The following FGFR2 variants were observed in gnomAD, a reference collection of about 807,000 sequenced individuals.
The protein encoded by FGFR2 is fibroblast growth factor receptor 2.
Under a neutral mutation model 95.9 loss-of-function variants are expected in FGFR2, and 19 were observed. The ratio of observed to expected loss-of-function variants is 0.20; its 90% CI spans 0.14 to 0.29. The LOEUF is 0.29. FGFR2 is among the 10% of genes least tolerant of loss of function. The pLI is 1.00. For missense variants in FGFR2, 707 were observed against 1,056.9 expected (o/e 0.67, Z 4.59); for synonymous variants, 392 against 393.3 (o/e 1.00, Z 0.04).
intron 6 of FGFR2, among the ~76,000 whole-genome samples, chr10:121,524,963 C>T (rs759375908): frequency 2.0e-5 from 3 of 152,186 alleles, no homozygotes; most frequent in South Asian, 4.1e-4. Context: ...TTCATCTCTT[C>T]TTCTATGTGA....
chr10:121,484,761 G>A (rs1845190104), intron 16 of FGFR2, among the ~76,000 whole-genome samples: 1 of 152,182 alleles, frequency 6.6e-6, no homozygotes, highest in Non-Finnish European at 1.5e-5. Context: ...AGGCAGATCT[G>A]GTACAGTAAG....
intron 2 of FGFR2, among the ~76,000 whole-genome samples, chr10:121,590,729 G>A (rs1564749428): frequency 6.6e-6 from 1 of 152,074 alleles, no homozygotes; most frequent in Non-Finnish European, 1.5e-5. Context: ...CTTTCCCTGA[G>A]GGGCCAAAAG....
intron 2 of FGFR2, among the ~76,000 whole-genome samples, chr10:121,588,585 C>G (rs1193162217): frequency 3.9e-5 from 6 of 151,952 alleles, no homozygotes; most frequent in Non-Finnish European, 7.4e-5. Context: ...CAGCAAAAAT[C>G]TCTAAATCAT....
intron 4 of FGFR2, among the ~76,000 whole-genome samples, chr10:121,555,726 T>C (rs12245334): frequency 0.078 from 11,894 of 152,212 alleles, 1,226 homozygotes; most frequent in African/African-American, 0.23. Context: ...TCCCATCAAT[T>C]AAATCCCATC....
chr10:121,502,135 G>A (rs1254009527), intron 10 of FGFR2, among the ~76,000 whole-genome samples: 1 of 152,288 alleles, frequency 6.6e-6, no homozygotes, highest in African/African-American at 2.4e-5. Context: ...AAAAACTATG[G>A]ACTAAACCCG....
At chr10:121,589,481 A>G (rs991461964) in intron 2 of FGFR2, among the ~76,000 whole-genome samples, 2 of 152,126 alleles carry the variant, frequency 1.3e-5, no homozygotes, top group African/African-American at 4.8e-5. Context: ...AAAGACTTGA[A>G]AGGAATAAAG....
chr10:121,492,323 C>T (rs1208948278), intron 13 of FGFR2, among the ~76,000 whole-genome samples: 1 of 152,152 alleles, frequency 6.6e-6, no homozygotes, highest in Non-Finnish European at 1.5e-5. Flanking sequence ...TACCCTATTA[C>T]CTAATTGCAT....
intron 4 of FGFR2, among the ~76,000 whole-genome samples, chr10:121,559,354 G>C (rs1432615398): frequency 1.2e-4 from 18 of 152,172 alleles, no homozygotes; most frequent in Admixed American, 1.2e-3. Flanking sequence ...TCAGGCATTT[G>C]ACACTTGAGG....
At position 121,556,433 on chromosome 10, in the gene FGFR2, C is replaced by CTCTCTCTCTCTCTCTA. The variant is rs60584824; in HGVS notation, c.455-4975_455-4974insTAGAGAGAGAGAGAGA. Among the ~76,000 whole-genome samples, 217 of 140,700 alleles carry CTCTCTCTCTCTCTCTA rather than the reference C, an allele frequency of 1.5e-3. 10 individuals carry two copies. The highest frequency in any genetic ancestry group is 5.3e-3 in the African/African-American group (197 of 37,212). 92.3% of individuals were successfully genotyped at this position (140,700 alleles called of 152,430 possible). On this transcript the variant is annotated intron_variant, in intron 4 of 17. Coordinates refer to ENST00000358487, the MANE Select transcript of FGFR2 (RefSeq NM_000141.5). The stretch of plus-strand genomic sequence containing the variant: ...TCTCTCTCTCTCTCTCTCTCTCTCT[C>CTCTCTCTCTCTCTCTA]TGGAACCAAAAAACAGAGAACACGG...
chr10:121,565,400 C>G, intron 3 of FGFR2, 38 bp downstream of exon 3: 1 of 1,612,676 alleles, frequency 6.2e-7, no homozygotes, highest in Non-Finnish European at 8.5e-7. Flanking sequence ...GTAATGGCTA[C>G]AGAGAAGAGA....
intron 13 of FGFR2, among the ~76,000 whole-genome samples, chr10:121,491,690 G>A (rs1047571053): frequency 2.6e-5 from 4 of 152,008 alleles, no homozygotes; most frequent in Admixed American, 6.5e-5. Flanking sequence ...CTAACACAGC[G>A]AAACCCCATC....
chr10:121,500,758 A>T (rs2134002897), intron 11 of FGFR2, 68 bp downstream of exon 11: 1 of 1,603,170 alleles, frequency 6.2e-7, no homozygotes, highest in Non-Finnish European at 8.5e-7. Flanking sequence ...TTCACATGCC[A>T]CAAAAGGAAC....
chr10:121,581,827 C>G (rs1860956373), intron 2 of FGFR2, among the ~76,000 whole-genome samples: 1 of 150,048 alleles, frequency 6.7e-6, no homozygotes, highest in Non-Finnish European at 1.5e-5. Flanking sequence ...TCCCTGGGAA[C>G]TCCTAAACAT....
chr10:121,508,132 G>A (rs539239478), intron 9 of FGFR2, among the ~76,000 whole-genome samples: 4 of 152,082 alleles, frequency 2.6e-5, no homozygotes, highest in Non-Finnish European at 2.9e-5. Flanking sequence ...TGGTATATTC[G>A]GGGTTGTTAG....
At position 121,565,478 on chromosome 10, in the gene FGFR2, A is replaced by G. The variant is rs771065999; in HGVS notation, c.336T>C (p.Thr112=). 1.2e-6 allele frequency: 2 copies of G among 1,614,098 alleles called. No individual in the cohort carries two copies. Among genetic ancestry groups the G allele is most frequent in the Non-Finnish European group, 1.7e-6 (2 of 1,180,042 alleles). The change falls in exon 3 of 18, where the codon ACT becomes ACC. Residue 112 remains threonine (T), a synonymous_variant. Transcript: ENST00000358487. Reference sequence around the variant, plus strand: ...TGAAGTACCAAGTTTCACTGTCTACAGTCCTACTGGCAGTACAAGCATAGA... The same window carrying G: ...TGAAGTACCAAGTTTCACTGTCTACGGTCCTACTGGCAGTACAAGCATAGA... ...SGLYACTASR[T]VDSETWYFMV...
chr10:121,518,866 C>G lies in FGFR2; in HGVS notation c.939+1113G>C, dbSNP rs1236880273. ...ACAGGAGAACAATATAACGGCCAAC[C>G]AGGAAGGTCTTAGCATTGTCTATGG... On this transcript the variant is annotated intron_variant, in intron 7 of 17. Coordinates refer to ENST00000358487, the MANE Select transcript of FGFR2 (RefSeq NM_000141.5). This position sits in a 1 kb window ranked among gnomAD's most constrained non-coding sequence, Gnocchi z 4.0. 1 of 1,613,694 alleles carries G rather than the reference C, an allele frequency of 6.2e-7. No individual in the cohort carries two copies. The highest frequency in any genetic ancestry group is 1.1e-5 in the South Asian group (1 of 91,054).
chr10:121,528,525 A>G (rs1244613343), intron 6 of FGFR2, among the ~76,000 whole-genome samples: 1 of 152,216 alleles, frequency 6.6e-6, no homozygotes, highest in Non-Finnish European at 1.5e-5. Context: ...AAGTCTAGAA[A>G]ATCTATCATG....
intron 2 of FGFR2, among the ~76,000 whole-genome samples, chr10:121,588,657 C>T (rs2135432834): frequency 1.3e-5 from 2 of 152,274 alleles, no homozygotes; most frequent in Middle Eastern, 6.8e-3. Flanking sequence ...GGTGTGGTGG[C>T]TCACACTTGT....
intron 4 of FGFR2, among the ~76,000 whole-genome samples, chr10:121,561,077 C>T (rs929604558): frequency 6.6e-6 from 1 of 152,148 alleles, no homozygotes; most frequent in Non-Finnish European, 1.5e-5. Context: ...TAAGTCTTCA[C>T]TTAAGTAACT....
Sources: gnomAD v4.1 joint callset for allele counts (sites outside exome capture counted in the v4.1 genomes callset) on GRCh38, gnomAD v4.1.1 for gene constraint, Gnocchi (gnomAD v3.1) non-coding constraint, MANE v1.5 for transcripts, NCBI Gene and HGNC (gene_info 2026-07-23, HGNC 2026-07-21) for gene names.